The following RERE variants were observed in gnomAD, a reference collection of about 807,000 sequenced individuals.
The protein encoded by RERE is arginine-glutamic acid dipeptide repeats protein.
RERE carries 40 observed loss-of-function variants against 146.1 expected under a neutral mutation model. The ratio of observed to expected loss-of-function variants is 0.27; its 90% CI spans 0.21 to 0.36. RERE has a LOEUF of 0.36. Among genes scored for constraint, RERE ranks in the 10% least tolerant of loss-of-function variants. The probability of loss-of-function intolerance (pLI) is 1.00; values close to 1 mark genes in which losing one functional copy is unlikely to be tolerated. For synonymous variants in RERE, 1,003 were observed against 866.0 expected (o/e 1.16, Z -2.78); for missense variants, 1,933 against 2,138.7 (o/e 0.90, Z 1.90).
chr1:8,428,408 A>C (rs544947029), intron 11 of RERE: 1 of 152,330 alleles, frequency 6.6e-6, no homozygotes, highest in East Asian at 1.9e-4. Flanking sequence ...CCAAATATAA[A>C]TAAATATTTA....
chr1:8,741,041 A>G (rs1036843245), intron 1 of RERE, among the ~76,000 whole-genome samples: 1 of 152,210 alleles, frequency 6.6e-6, no homozygotes, highest in African/African-American at 2.4e-5. Flanking sequence ...AACCGGCAGC[A>G]TATTAGGTCT....
intron 11 of RERE, among the ~76,000 whole-genome samples, chr1:8,439,840 A>G (rs1644222807): frequency 6.6e-6 from 1 of 152,232 alleles, no homozygotes; most frequent in Non-Finnish European, 1.5e-5. Context: ...TGGGAGGCCG[A>G]GGTGGGTGGA....
intron 4 of RERE, among the ~76,000 whole-genome samples, chr1:8,610,933 A>C (rs1646785665): frequency 6.6e-6 from 1 of 151,122 alleles, no homozygotes; most frequent in Non-Finnish European, 1.5e-5. Context: ...GGTGGCTCAC[A>C]TGTGTAATCC....
chr1:8,666,964 C>A (rs944450923), intron 1 of RERE, among the ~76,000 whole-genome samples: 17 of 152,146 alleles, frequency 1.1e-4, no homozygotes, highest in African/African-American at 4.1e-4. Context: ...ATTTAAGGAA[C>A]CTAAATAACT....
chr1:8,556,967 T>G (rs1162210867), intron 5 of RERE, among the ~76,000 whole-genome samples: 1 of 151,780 alleles, frequency 6.6e-6, no homozygotes, highest in African/African-American at 2.4e-5. Flanking sequence ...TTTCCATTGA[T>G]AAGAATATTT....
intron 1 of RERE, among the ~76,000 whole-genome samples, chr1:8,748,865 T>A (rs370859143): frequency 4.9e-4 from 74 of 152,320 alleles, no homozygotes; most frequent in African/African-American, 1.6e-3. Context: ...AGGTCTTAAG[T>A]GTTCATAATG....
chr1:8,469,021 A>G (rs893066049), intron 10 of RERE, among the ~76,000 whole-genome samples: 1 of 152,190 alleles, frequency 6.6e-6, no homozygotes, highest in Non-Finnish European at 1.5e-5. Context: ...TGCGACCTTG[A>G]GAGAGTTACT....
At chr1:8,607,358 T>C (rs1258217983) in intron 4 of RERE, among the ~76,000 whole-genome samples, 2 of 136,344 alleles carry the variant, frequency 1.5e-5, no homozygotes, top group Non-Finnish European at 3.1e-5. Flanking sequence ...AGATACCCTG[T>C]CTCCAAAAAA....
At chr1:8,762,691 T>C (rs929413700) in intron 1 of RERE, among the ~76,000 whole-genome samples, 4 of 152,176 alleles carry the variant, frequency 2.6e-5, no homozygotes, top group African/African-American at 9.7e-5. Flanking sequence ...CCTCTGATAA[T>C]GGACTAAACG....
intron 11 of RERE, among the ~76,000 whole-genome samples, chr1:8,446,919 T>C (rs1417034015): frequency 6.6e-6 from 1 of 151,918 alleles, no homozygotes; most frequent in Admixed American, 6.6e-5. Context: ...GACCTCGTGA[T>C]CCGCCCGCCT....
intron 10 of RERE, among the ~76,000 whole-genome samples, chr1:8,482,530 A>C (rs899244116): frequency 6.6e-6 from 1 of 151,942 alleles, no homozygotes; most frequent in Non-Finnish European, 1.5e-5. Flanking sequence ...ATACAAAAAA[A>C]AATTAGCCGG....
intron 4 of RERE, among the ~76,000 whole-genome samples, chr1:8,595,298 T>C (rs1646542129): frequency 6.6e-6 from 1 of 152,124 alleles, no homozygotes; most frequent in East Asian, 1.9e-4. Context: ...TGCTAAAGCA[T>C]TTGTCCATAT....
chr1:8,594,283 C>G lies in RERE; in HGVS notation c.522+20278G>C, dbSNP rs75417812. ...CAGCTAGGTACCCTTTCCAAAACAA[C>G]TCACCTCTCCATGAAGTGAAATCAT... On this transcript the variant is annotated intron_variant, in intron 4 of 22. Coordinates refer to ENST00000400908, the MANE Select transcript of RERE (RefSeq NM_001042681.2). Among the ~76,000 whole-genome samples the G allele has an allele frequency of 9.0e-4, 137 of 152,306 alleles. 5 individuals carry two copies. The East Asian group carries it at 0.025, about 28-fold the overall frequency.
rs369800203 is a variant in RERE at position 8,813,320 on chromosome 1, T to C, written c.-145+3840A>G. On this transcript the variant is annotated intron_variant, in intron 1 of 22. Coordinates refer to ENST00000400908, the MANE Select transcript of RERE (RefSeq NM_001042681.2). ...TTAACCTTTAAATCGACTGCAAAAG[T>C]AGCTGCCAAAAGTAGCTTAGTAGGA... 1.8e-4 allele frequency among the ~76,000 whole-genome samples: 28 copies of C among 152,326 alleles called. 3 individuals carry two copies. The East Asian group carries it at 1.9e-3, about 10-fold the overall frequency.
chr1:8,784,409 T>G (rs1163102622), intron 1 of RERE, among the ~76,000 whole-genome samples: 1 of 152,192 alleles, frequency 6.6e-6, no homozygotes, highest in Admixed American at 6.6e-5. Context: ...TATTACCCAT[T>G]GGATTCCATA....
At chr1:8,641,858 C>A (rs943830186) in intron 2 of RERE, among the ~76,000 whole-genome samples, 1 of 152,164 alleles carries the variant, frequency 6.6e-6, no homozygotes, top group Non-Finnish European at 1.5e-5. Context: ...CAGGAGCCAT[C>A]CCCTTTTGGA....
At chr1:8,765,969 C>T (rs543168919) in intron 1 of RERE, among the ~76,000 whole-genome samples, 4 of 151,660 alleles carry the variant, frequency 2.6e-5, no homozygotes, top group Admixed American at 1.3e-4. Flanking sequence ...AAAAATTAGC[C>T]GAGTGTGCTG....
At chr1:8,388,431 T>C (rs1017362739) in intron 12 of RERE, among the ~76,000 whole-genome samples, 2 of 152,072 alleles carry the variant, frequency 1.3e-5, no homozygotes, top group African/African-American at 4.8e-5. Context: ...GCCATTCTCC[T>C]GCCTCAGCCT....
chr1:8,358,728 G>C lies in RERE; in HGVS notation c.3807C>G (p.Asn1269Lys). The change falls in exon 20 of 23, where the codon AAC becomes AAG. Residue 1269 changes from asparagine to lysine, a missense_variant. Asn to Lys is a moderately conservative substitution (Grantham distance 94). Transcript: ENST00000400908. The part of the protein sequence containing the change: ...YARPHVMSPT[N>K]RNHPFYMPLN... ...GGGGCATGTAGAAGGGGTGGTTGCG[G>C]TTGGTGGGCGACATGACGTGGGGCC... 1 of 1,606,790 alleles carries C rather than the reference G, an allele frequency of 6.2e-7. No homozygotes were observed. Among genetic ancestry groups the C allele is most frequent in the Non-Finnish European group, 8.5e-7 (1 of 1,175,656 alleles).
Sources: gnomAD v4.1 joint callset for allele counts (sites outside exome capture counted in the v4.1 genomes callset) on GRCh38, gnomAD v4.1.1 for gene constraint, MANE v1.5 for transcripts, NCBI Gene and HGNC (gene_info 2026-07-23, HGNC 2026-07-21) for gene names.